ILF2: variants seen among roughly 807,000 people sequenced by gnomAD.
ILF2 encodes interleukin enhancer binding factor 2.
ILF2 carries 9 observed loss-of-function variants against 55.3 expected under a neutral mutation model. The observed-to-expected ratio is 0.16, with a 90% confidence interval of 0.10 to 0.28. The LOEUF (loss-of-function observed/expected upper bound fraction) is 0.28. Among genes scored for constraint, ILF2 ranks in the 10% least tolerant of loss-of-function variants. ILF2 has a pLI of 1.00. For synonymous variants in ILF2, 151 were observed against 161.8 expected, an observed-to-expected ratio of 0.93 and a Z score of 0.50; for missense variants, 266 against 474.9, an observed-to-expected ratio of 0.56 and a Z score of 4.09.
intron 6 of ILF2, among the ~76,000 whole-genome samples, chr1:153,666,811 C>T (rs1216678048): frequency 1.3e-5 from 2 of 152,204 alleles, no homozygotes; most frequent in African/African-American, 4.8e-5. Context: ...AGCGTTTGTC[C>T]CTTATCACTC....
At chr1:153,667,459 A>G (rs1669339772) in intron 6 of ILF2, 96 bp downstream of exon 6, 2 of 869,520 alleles carry the variant, frequency 2.3e-6, no homozygotes, top group Admixed American at 1.7e-5. Flanking sequence ...AGCCTGGCCA[A>G]CGGAGGGAGA....
chr1:153,662,055 A>G lies in ILF2; in HGVS notation c.*341T>C, dbSNP rs1336574058. On this transcript the variant is annotated 3_prime_UTR_variant, in exon 14 of 14. Transcript: ENST00000361891. ...AAGAGCCCTACTAGGAAGTACTTTA[A>G]TAGTTTTTCTTAGAAAAAAAAATTT... is the stretch of plus-strand genomic sequence containing the variant. The G allele has an allele frequency of 5.2e-6, 1 of 193,274 alleles. No individual in the cohort carries two copies. Among genetic ancestry groups the G allele is most frequent in the Non-Finnish European group, 1.1e-5 (1 of 93,686 alleles). The allele number at this position is 193,274 out of a possible 1,614,324, so 12.0% of individuals were successfully genotyped here.
rs1296457323 is a variant in ILF2 at position 153,670,195 on chromosome 1, C to G, written c.41G>C (p.Gly14Ala). 6.2e-7 allele frequency: 1 copy of G among 1,614,090 alleles called. No individual in the cohort carries two copies. The highest frequency in any genetic ancestry group is 8.5e-7 in the Non-Finnish European group (1 of 1,179,992). ...DRGRGRGGRF[G>A]SRGGPGGGFR... Reference sequence around the variant, plus strand: ...CCCTCCTCCTGGGCCTCCTCTGGAACCAAAGCGCCCACCACGACCACGGCC... The same window carrying G: ...CCCTCCTCCTGGGCCTCCTCTGGAAGCAAAGCGCCCACCACGACCACGGCC... Residue 14 changes from glycine (G) to alanine (A), a missense_variant, in exon 2 of 14, where the codon GGT becomes GCT. Transcript: ENST00000361891.
At position 153,662,480 on chromosome 1, in the gene ILF2, C is replaced by T; in HGVS notation, c.1089G>A (p.Glu363=). 1.9e-6 allele frequency: 3 copies of T among 1,613,908 alleles called. No homozygotes were observed. Among genetic ancestry groups the T allele is most frequent in the Non-Finnish European group, 2.5e-6 (3 of 1,179,766 alleles). The part of the protein sequence containing the change: ...PSEKAYEKPP[E]KKEGEEEEEN... The stretch of plus-strand genomic sequence containing the variant: ...CCTCTTCTTCCTCTCCTTCCTTCTT[C>T]TCTGGTGGCTTCTCATAAGCCTTTT... Residue 363 remains glutamate, a synonymous_variant, in exon 14 of 14, where the codon GAG becomes GAA. Transcript: ENST00000361891.
intron 2 of ILF2, 136 bp from the exon 3 acceptor site, chr1:153,670,014 T>A: frequency 1.8e-6 from 2 of 1,094,238 alleles, no homozygotes; most frequent in East Asian, 4.7e-5. Context: ...GAATCATTCT[T>A]AGCATAGTGG....
In ILF2 at chr1:153,669,875, G is replaced by A; in HGVS notation, c.69C>T (p.Phe23=). 1 of 1,612,714 alleles carries A rather than the reference G, an allele frequency of 6.2e-7. No individual in the cohort carries two copies. Among genetic ancestry groups the A allele is most frequent in the Non-Finnish European group, 8.5e-7 (1 of 1,178,718 alleles). ...FGSRGGPGGG[F]RPFVPHIPFD... ...ATGGGATATGTGGTACAAAGGGCCT[G>A]AACCTAAAACATGAAAAACAGCCAA... Residue 23 remains phenylalanine (F), a synonymous_variant, in exon 3 of 14, where the codon TTC becomes TTT. Coordinates refer to ENST00000361891, the MANE Select transcript of ILF2 (RefSeq NM_004515.4).
chr1:153,662,190 T>G lies in ILF2; in HGVS notation c.*206A>C. 1 of 578,600 alleles carries G rather than the reference T, an allele frequency of 1.7e-6. No individual in the cohort carries two copies. Among genetic ancestry groups the G allele is most frequent in the Non-Finnish European group, 3.1e-6 (1 of 327,336 alleles). The allele number at this position is 578,600 out of a possible 1,614,324, so 35.8% of individuals were successfully genotyped here. Reference sequence around the variant, plus strand: ...TAGGAAGAAATGTTGGTATCCTCCATTATAGATGGATGGCATAGGTCACAA... The same window carrying G: ...TAGGAAGAAATGTTGGTATCCTCCAGTATAGATGGATGGCATAGGTCACAA... On this transcript the variant is annotated 3_prime_UTR_variant, in exon 14 of 14. Transcript: ENST00000361891.
intron 3 of ILF2, 59 bp from the exon 4 acceptor site, chr1:153,668,616 G>GT (rs1195088331): frequency 1.3e-6 from 2 of 1,524,382 alleles, no homozygotes; most frequent in Non-Finnish European, 1.8e-6. Flanking sequence ...AGGAGAGATT[G>GT]TTTTTTCTAT....
intron 6 of ILF2, among the ~76,000 whole-genome samples, chr1:153,666,218 C>T (rs149997868): frequency 0.019 from 2,843 of 151,996 alleles, 90 homozygotes; most frequent in African/African-American, 0.066. Flanking sequence ...GGGCCTCACT[C>T]TGTCACCCAA....
intron 7 of ILF2, 21 bp downstream of exon 7, chr1:153,665,642 G>C (rs759957748): frequency 6.2e-7 from 1 of 1,602,892 alleles, no homozygotes; most frequent in Non-Finnish European, 8.5e-7. Context: ...ACTAAATACA[G>C]AATCAGCAAC....
At chr1:153,666,559 A>G (rs1175873760) in intron 6 of ILF2, among the ~76,000 whole-genome samples, 2 of 151,612 alleles carry the variant, frequency 1.3e-5, no homozygotes, top group Non-Finnish European at 2.9e-5. Context: ...TCTCTATGTT[A>G]TACAGGCTGG....
At chr1:153,664,699 A>G (rs1289976697) in intron 8 of ILF2, among the ~76,000 whole-genome samples, 2 of 152,162 alleles carry the variant, frequency 1.3e-5, no homozygotes, top group African/African-American at 4.8e-5. Flanking sequence ...AGCTGGGATT[A>G]CAGGTAACCG....
intron 1 of ILF2, 71 bp from the exon 2 acceptor site, chr1:153,670,301 C>T (rs1438912034): frequency 2.0e-6 from 3 of 1,497,648 alleles, no homozygotes; most frequent in Non-Finnish European, 2.8e-6. Context: ...AGGTTGGCTA[C>T]TTTCATCCCT....
chr1:153,670,499 G>C (rs1264878594), intron 1 of ILF2, among the ~76,000 whole-genome samples: 1 of 152,122 alleles, frequency 6.6e-6, no homozygotes, highest in African/African-American at 2.4e-5. Flanking sequence ...TAATACTTCG[G>C]AGGCTAAAGA....
chr1:153,668,194 T>G, intron 4 of ILF2, 117 bp from the exon 5 acceptor site: 2 of 801,370 alleles, frequency 2.5e-6, no homozygotes, highest in South Asian at 3.6e-5. Context: ...ACATAGGGCT[T>G]TAAAAACACT....
At chr1:153,663,414 G>A (rs1669225235) in intron 10 of ILF2, 138 bp from the exon 11 acceptor site, 1 of 760,770 alleles carries the variant, frequency 1.3e-6, no homozygotes, top group Non-Finnish European at 2.2e-6. Flanking sequence ...CTGTAACCGC[G>A]AACTCCTGGG....
chr1:153,670,968 CCT>C lies in ILF2; in HGVS notation c.-48_-47del. The C allele has an allele frequency of 4.3e-6, 7 of 1,613,900 alleles. No individual in the cohort carries two copies. Among genetic ancestry groups the C allele is most frequent in the Non-Finnish European group, 5.1e-6 (6 of 1,179,718 alleles). On this transcript the variant is annotated 5_prime_UTR_variant, in exon 1 of 14. Transcript: ENST00000361891. ...ATGGAGGCCGCACCAACCGCCCCTT[CCT>C]CTGAGTAGCAGACAACTGAAGAGGC...
chr1:153,668,001 A>G lies in ILF2; in HGVS notation c.290T>C (p.Val97Ala). The change falls in exon 5 of 14, where the codon GTG becomes GCG. Residue 97 changes from valine to alanine, a missense_variant and splice_region_variant. Physicochemically the swap from Val to Ala is moderately conservative, Grantham distance 64 (BLOSUM62 0). Transcript: ENST00000361891. ...AAAACTAAATCATCAAAAACTCACC[A>G]CTTCAAATGTCCCTGGAGCCACAAT... ...NLIVAPGTFE[V>A]QIEEVRQVGS... 6.2e-7 allele frequency: 1 copy of G among 1,606,412 alleles called. No individual in the cohort carries two copies. The highest frequency in any genetic ancestry group is 8.5e-7 in the Non-Finnish European group (1 of 1,176,260).
chr1:153,670,859 A>G lies in ILF2; in HGVS notation c.5+59T>C, dbSNP rs1669451915. ...CTGATACTCCGACTTCTTTCGGCCC[A>G]CGTTCACAAAGTTTTCCGTCGAATA... On this transcript the variant is annotated intron_variant, in intron 1 of 13. Coordinates refer to ENST00000361891, the MANE Select transcript of ILF2 (RefSeq NM_004515.4). 5 of 1,608,446 alleles carry G rather than the reference A, an allele frequency of 3.1e-6. No individual in the cohort carries two copies. In the East Asian group the frequency reaches 1.1e-4, roughly 36 times the overall value.
Sources: allele counts gnomAD v4.1 joint callset (sites outside exome capture counted in the v4.1 genomes callset), GRCh38; gene constraint gnomAD v4.1.1; transcripts MANE v1.5; gene names NCBI Gene and HGNC (gene_info 2026-07-23, HGNC 2026-07-21).